Variants in TRAK2 observed in about 807,000 individuals in gnomAD.
TRAK2 encodes trafficking kinesin protein 2.
A neutral mutation model predicts 104.6 loss-of-function variants in TRAK2; 81 were observed. The ratio of observed to expected loss-of-function variants is 0.77; its 90% CI spans 0.65 to 0.93. TRAK2 has a LOEUF of 0.93. Among genes scored for constraint, TRAK2 ranks in the 40% least tolerant of loss-of-function variants. The pLI, the probability that TRAK2 is intolerant of heterozygous loss-of-function variation, is 0.00. For missense variants in TRAK2, 1,002 were observed against 1,089.0 expected (o/e 0.92, Z 1.12); for synonymous variants, 406 against 394.4 (o/e 1.03, Z -0.35).
chr2:201,417,453 C>T (rs1951704575), intron 2 of TRAK2, among the ~76,000 whole-genome samples: 1 of 151,916 alleles, frequency 6.6e-6, no homozygotes, highest in Non-Finnish European at 1.5e-5. Context: ...AAATTCAAAA[C>T]TAAACCAACA....
At position 201,381,090 on chromosome 2, in the gene TRAK2, G is replaced by A. The variant is rs754980593; in HGVS notation, c.2198C>T (p.Thr733Ile). ...CAAGCTCATGGTGCTACTGAAGGTT[G>A]TAGTGGAATCTCGTCGGTTGGTGAT... is the stretch of plus-strand genomic sequence containing the variant. Reference protein sequence around the residue: ...ESITNRRDSTTTFSSTMSLAK... With the variant: ...ESITNRRDSTITFSSTMSLAK... Residue 733 changes from threonine to isoleucine, a missense_variant, in exon 16 of 16, where the codon ACA becomes ATA. Thr to Ile is a moderately conservative substitution (Grantham distance 89). Coordinates refer to ENST00000332624, the MANE Select transcript of TRAK2 (RefSeq NM_015049.3). 22 of 1,613,818 alleles carry A rather than the reference G, an allele frequency of 1.4e-5. No homozygotes were observed. The highest frequency in any genetic ancestry group is 1.6e-4 in the Middle Eastern group (1 of 6,084).
At chr2:201,411,970 G>C (rs1351276888) in intron 2 of TRAK2, 24 of 948,284 alleles carry the variant, frequency 2.5e-5, no homozygotes, top group Non-Finnish European at 3.5e-5. Context: ...TGTAAACCAT[G>C]GGTAGAACAC....
At chr2:201,408,443 C>T (rs1407719947) in intron 2 of TRAK2, among the ~76,000 whole-genome samples, 3 of 151,996 alleles carry the variant, frequency 2.0e-5, no homozygotes, top group African/African-American at 7.3e-5. Flanking sequence ...GCCTAGTAAT[C>T]CAACAGTTAT....
At chr2:201,440,346 A>T (rs1951911601) in intron 1 of TRAK2, among the ~76,000 whole-genome samples, 1 of 152,160 alleles carries the variant, frequency 6.6e-6, no homozygotes, top group South Asian at 2.1e-4. Flanking sequence ...GAGAAACCAG[A>T]TAAGCAGGTT....
intron 1 of TRAK2, among the ~76,000 whole-genome samples, chr2:201,424,647 G>A (rs545129220): frequency 1.3e-3 from 203 of 151,346 alleles, no homozygotes; most frequent in African/African-American, 4.6e-3. Flanking sequence ...CTTTCGCCCA[G>A]GCCGGACTGC....
chr2:201,417,051 GTTAA>G (rs368200955), intron 2 of TRAK2, among the ~76,000 whole-genome samples: 146,652 of 151,164 alleles, frequency 0.97, 71,303 homozygotes, highest in East Asian at 1. Flanking sequence ...TATCTGTGGA[GTTAA>G]ATGTAACTCC....
intron 1 of TRAK2, among the ~76,000 whole-genome samples, chr2:201,448,055 A>C (rs1363171119): frequency 6.6e-6 from 1 of 152,258 alleles, no homozygotes; most frequent in Non-Finnish European, 1.5e-5. Flanking sequence ...ACTGAAGGAA[A>C]ATGAAAGAAA....
At chr2:201,389,660 C>T in intron 11 of TRAK2, 141 bp downstream of exon 11, 1 of 1,078,140 alleles carries the variant, frequency 9.3e-7, no homozygotes, top group South Asian at 1.5e-5. Context: ...AACTCTCTCA[C>T]AAAAAAAGGA....
intron 2 of TRAK2, chr2:201,411,358 C>G: frequency 1.3e-6 from 1 of 743,596 alleles, no homozygotes; most frequent in South Asian, 1.3e-5. Flanking sequence ...GAATCACTGC[C>G]AGTCAGAAGG....
intron 5 of TRAK2, among the ~76,000 whole-genome samples, chr2:201,398,869 T>G (rs1015889280): frequency 2.0e-5 from 3 of 152,218 alleles, no homozygotes; most frequent in Admixed American, 6.6e-5. Flanking sequence ...ATTCATAAAA[T>G]ACAAACGAAA....
intron 1 of TRAK2, among the ~76,000 whole-genome samples, chr2:201,440,797 A>G (rs557164014): frequency 1.3e-5 from 2 of 152,368 alleles, no homozygotes; most frequent in East Asian, 3.9e-4. Flanking sequence ...TCATCGCCAA[A>G]GTCTGATTTT....
rs891756460 is a variant in TRAK2, at chr2:201,397,834, C to A, written c.691-254G>T. ...TGATTTTCTGAGATAGTTCTTATCA[C>A]AGTTGTAACTACTTAGTTACTTGTG... On this transcript the variant is annotated intron_variant, in intron 6 of 15. Coordinates refer to ENST00000332624, the MANE Select transcript of TRAK2 (RefSeq NM_015049.3). The A allele has an allele frequency of 1.1e-5, 6 of 552,904 alleles. No individual in the cohort carries two copies. The South Asian group carries it at 1.3e-4, about 12-fold the overall frequency. The allele number at this position is 552,904 out of a possible 1,614,324, so 34.2% of individuals were successfully genotyped here. A position where few individuals can be genotyped will look rare whatever the true frequency, so the allele number is the denominator to read the frequency against.
intron 2 of TRAK2, chr2:201,413,321 G>C: frequency 8.5e-7 from 1 of 1,172,596 alleles, no homozygotes; most frequent in Non-Finnish European, 1.2e-6. Flanking sequence ...CTGCAATATT[G>C]GGTAGTTATA....
chr2:201,389,534 AC>A (rs760109822), intron 11 of TRAK2, 31 bp from the exon 12 acceptor site: 191 of 1,591,352 alleles, frequency 1.2e-4, no homozygotes, highest in Non-Finnish European at 1.6e-4. Flanking sequence ...CGTTATTATC[AC>A]TGCTAGCCAC....
chr2:201,449,229 A>C (rs1951989950), intron 1 of TRAK2, among the ~76,000 whole-genome samples: 1 of 152,202 alleles, frequency 6.6e-6, no homozygotes, highest in African/African-American at 2.4e-5. Context: ...AACCAGTCTT[A>C]GACAATAACA....
At position 201,407,340 on chromosome 2, in the gene TRAK2, A is replaced by T; in HGVS notation, c.286+63T>A. ...CTAAACATCAGTGCTTTAAAAATCA[A>T]TACCAAGATACCCATGATCATTACT... On this transcript the variant is annotated intron_variant, in intron 3 of 15. Transcript: ENST00000332624. 4 of 1,424,748 alleles carry T rather than the reference A, an allele frequency of 2.8e-6. No homozygotes were observed. The South Asian group carries it at 3.8e-5, about 13-fold the overall frequency. The allele number at this position is 1,424,748 out of a possible 1,614,324, so 88.3% of individuals were successfully genotyped here.
At chr2:201,411,367 G>A in intron 2 of TRAK2, 2 of 737,026 alleles carry the variant, frequency 2.7e-6, no homozygotes, top group Non-Finnish European at 5.1e-6. Context: ...CCAGTCAGAA[G>A]GTCTGCTCCA....
In TRAK2 at chr2:201,415,270, T is replaced by A. The variant is rs1440773410; in HGVS notation, c.91+5147A>T. Reference sequence around the variant, plus strand: ...CTTAAAGTCTTGCCAAAATAAATTTTAACACTTTTCCAAGGAAGACAACAA... The same window carrying A: ...CTTAAAGTCTTGCCAAAATAAATTTAAACACTTTTCCAAGGAAGACAACAA... On this transcript the variant is annotated intron_variant, in intron 2 of 15. Transcript: ENST00000332624. Among the ~76,000 whole-genome samples the A allele has an allele frequency of 1.1e-4, 17 of 152,098 alleles. 1 individual carries two copies. Among genetic ancestry groups the A allele is most frequent in the Admixed American group, 1.1e-3 (17 of 15,270 alleles).
chr2:201,412,772 G>A, intron 2 of TRAK2: 2 of 1,242,158 alleles, frequency 1.6e-6, no homozygotes, highest in Non-Finnish European at 2.4e-6. Context: ...GTATTTTCAG[G>A]AGTAATATTT....
Sources: gnomAD v4.1 joint callset for allele counts (sites outside exome capture counted in the v4.1 genomes callset) on GRCh38, gnomAD v4.1.1 for gene constraint, MANE v1.5 for transcripts, NCBI Gene and HGNC (gene_info 2026-07-23, HGNC 2026-07-21) for gene names.